Variants in SGCZ observed in about 807,000 individuals in gnomAD.
SGCZ encodes zeta-sarcoglycan.
A neutral mutation model predicts 41.3 loss-of-function variants in SGCZ; 40 were observed. That is an observed-to-expected ratio of 0.97 (90% CI 0.75 to 1.26). SGCZ has a LOEUF of 1.26. Among genes scored for constraint, SGCZ ranks in the 50% most tolerant of loss-of-function variants. The pLI is 0.00. For missense variants in SGCZ, 552 were observed against 369.8 expected (o/e 1.49, Z -4.04); for synonymous variants, 206 against 137.5 (o/e 1.50, Z -3.49).
At chr8:14,471,670 G>C (rs1801216427) in intron 2 of SGCZ, among the ~76,000 whole-genome samples, 1 of 151,934 alleles carries the variant, frequency 6.6e-6, no homozygotes, top group Non-Finnish European at 1.5e-5. Context: ...AAAGCTGAAA[G>C]CCAATTTAAT....
intron 4 of SGCZ, among the ~76,000 whole-genome samples, chr8:14,230,064 C>T (rs1035712500): frequency 2.6e-5 from 4 of 152,052 alleles, no homozygotes; most frequent in Non-Finnish European, 4.4e-5. Flanking sequence ...AAAATACGTG[C>T]CTATGCTCTA....
chr8:14,103,425 G>C (rs1416866889), intron 6 of SGCZ, among the ~76,000 whole-genome samples: 2 of 152,160 alleles, frequency 1.3e-5, no homozygotes, highest in African/African-American at 2.4e-5. Context: ...AGGACTTTAA[G>C]AGGAGGGTCC....
intron 1 of SGCZ, among the ~76,000 whole-genome samples, chr8:15,225,873 C>T (rs1801753390): frequency 6.6e-6 from 1 of 152,116 alleles, no homozygotes; most frequent in South Asian, 2.1e-4. Context: ...TACGAAATAC[C>T]TCACTACCTA....
At chr8:14,227,511 T>C (rs929827567) in intron 4 of SGCZ, among the ~76,000 whole-genome samples, 3 of 152,074 alleles carry the variant, frequency 2.0e-5, no homozygotes, top group African/African-American at 7.2e-5. Context: ...TCATATAGTA[T>C]TAAAAATTCT....
chr8:14,851,201 T>C (rs1386232329), intron 1 of SGCZ, among the ~76,000 whole-genome samples: 1 of 151,010 alleles, frequency 6.6e-6, no homozygotes, highest in Non-Finnish European at 1.5e-5. Context: ...AACGCTGTCT[T>C]TACTAAAAAT....
intron 1 of SGCZ, among the ~76,000 whole-genome samples, chr8:15,142,089 G>C (rs1402054597): frequency 1.3e-5 from 2 of 152,148 alleles, no homozygotes; most frequent in African/African-American, 4.8e-5. Flanking sequence ...AGAGGACCTT[G>C]ATGCTGAAGT....
At chr8:14,307,143 G>T (rs921405671) in intron 3 of SGCZ, among the ~76,000 whole-genome samples, 1 of 152,114 alleles carries the variant, frequency 6.6e-6, no homozygotes, top group African/African-American at 2.4e-5. Context: ...GAGCATCTGT[G>T]GGAATAAAGT....
intron 1 of SGCZ, among the ~76,000 whole-genome samples, chr8:15,081,055 C>A (rs1360242685): frequency 6.6e-6 from 1 of 152,118 alleles, no homozygotes; most frequent in African/African-American, 2.4e-5. Flanking sequence ...CCTCCAGCCT[C>A]CAAAATCACA....
At chr8:14,971,479 A>C (rs1801295288) in intron 1 of SGCZ, among the ~76,000 whole-genome samples, 1 of 151,958 alleles carries the variant, frequency 6.6e-6, no homozygotes, top group Admixed American at 6.6e-5. Flanking sequence ...TTTTATCAGG[A>C]AAGAGGGTAG....
chr8:15,045,223 T>C (rs569461758), intron 1 of SGCZ, among the ~76,000 whole-genome samples: 1 of 152,156 alleles, frequency 6.6e-6, no homozygotes, highest in South Asian at 2.1e-4. Context: ...ATATTTCAGA[T>C]GGACAAACAA....
chr8:15,004,325 C>A (rs545385368), intron 1 of SGCZ, among the ~76,000 whole-genome samples: 172 of 152,206 alleles, frequency 1.1e-3, no homozygotes, highest in African/African-American at 3.9e-3. Flanking sequence ...ACCAGGCCCA[C>A]GCATGTGCAC....
chr8:14,506,709 C>T (rs1440729317), intron 2 of SGCZ, among the ~76,000 whole-genome samples: 2 of 152,272 alleles, frequency 1.3e-5, no homozygotes, highest in Non-Finnish European at 2.9e-5. Context: ...ATATCAATGG[C>T]TTTTATGTTA....
chr8:14,350,555 T>C (rs999637982), intron 2 of SGCZ, among the ~76,000 whole-genome samples: 3 of 151,884 alleles, frequency 2.0e-5, no homozygotes, highest in Non-Finnish European at 2.9e-5. Flanking sequence ...ATTTGGAGAG[T>C]GTGCACCCAG....
chr8:14,384,239 G>C (rs1804484668), intron 2 of SGCZ, among the ~76,000 whole-genome samples: 1 of 152,014 alleles, frequency 6.6e-6, no homozygotes, highest in Non-Finnish European at 1.5e-5. Flanking sequence ...CCTTGCGATA[G>C]TTTGCTGAGA....
chr8:14,564,100 T>C (rs1419550864), intron 1 of SGCZ, among the ~76,000 whole-genome samples: 1 of 152,178 alleles, frequency 6.6e-6, no homozygotes, highest in Non-Finnish European at 1.5e-5. Flanking sequence ...AAGAGAAGCA[T>C]GTGAGTCCTG....
At chr8:14,590,029 T>G (rs1185200091) in intron 1 of SGCZ, among the ~76,000 whole-genome samples, 4 of 152,150 alleles carry the variant, frequency 2.6e-5, no homozygotes, top group Non-Finnish European at 4.4e-5. Flanking sequence ...AATAGTAGGT[T>G]TTCCTTCTTT....
chr8:14,848,086 C>A (rs1483453687), intron 1 of SGCZ, among the ~76,000 whole-genome samples: 1 of 151,722 alleles, frequency 6.6e-6, no homozygotes, highest in Non-Finnish European at 1.5e-5. Flanking sequence ...TACTAGCAAA[C>A]AGCTGAAAAT....
intron 1 of SGCZ, among the ~76,000 whole-genome samples, chr8:14,817,312 C>T (rs569348345): frequency 2.0e-5 from 3 of 152,234 alleles, no homozygotes; most frequent in Admixed American, 6.5e-5. Flanking sequence ...GTAAGCAGAT[C>T]TCCGGTGGTC....
rs910229660 is a variant in SGCZ at position 14,554,655 on chromosome 8, A to T, written c.234+77T>A. On this transcript the variant is annotated intron_variant, in intron 2 of 7. Transcript: ENST00000382080. ...TAAATATTGATATGAATAACTTTTG[A>T]TTAAAAAATTAAAGTAACAGAGCTA... The T allele has an allele frequency of 1.2e-5, 14 of 1,191,436 alleles. No homozygotes were observed. In the African/African-American group the frequency reaches 2.0e-4, roughly 17 times the overall value. 73.8% of individuals were successfully genotyped at this position (1,191,436 alleles called of 1,614,324 possible).
Sources: gnomAD v4.1 joint callset for allele counts (sites outside exome capture counted in the v4.1 genomes callset) on GRCh38, gnomAD v4.1.1 for gene constraint, MANE v1.5 for transcripts, NCBI Gene and HGNC (gene_info 2026-07-23, HGNC 2026-07-21) for gene names.